The following VAT1 variants were observed in gnomAD, a reference collection of about 807,000 sequenced individuals.
The protein encoded by VAT1 is NADPH-dependent quinone oxidoreductase VAT1.
A neutral mutation model predicts 33.3 loss-of-function variants in VAT1; 24 were observed. That is an observed-to-expected ratio of 0.72 (90% CI 0.52 to 1.01). VAT1 has a LOEUF of 1.01. Among genes scored for constraint, VAT1 ranks in the 50% least tolerant of loss-of-function variants. VAT1 has a pLI of 0.00. For synonymous variants in VAT1, 212 were observed against 225.0 expected, an observed-to-expected ratio of 0.94 and a Z score of 0.52; for missense variants, 436 against 533.7, an observed-to-expected ratio of 0.82 and a Z score of 1.80.
chr17:43,020,271 G>C, intron 1 of VAT1: 1 of 985,438 alleles, frequency 1.0e-6, no homozygotes, highest in Non-Finnish European at 1.2e-6. Flanking sequence ...TCTTACATCA[G>C]ATTCTTGCCC....
At chr17:43,020,140 T>C (rs2050554593) in intron 1 of VAT1, 1 of 985,292 alleles carries the variant, frequency 1.0e-6, no homozygotes, top group African/African-American at 1.7e-5. Context: ...AAGTCTCACT[T>C]ACCCTGGCTC....
intron 1 of VAT1, among the ~76,000 whole-genome samples, chr17:43,020,891 A>AG (rs1259719242): frequency 2.3e-4 from 34 of 150,486 alleles, no homozygotes; most frequent in African/African-American, 7.1e-4. Flanking sequence ...AAAAAAAAAA[A>AG]AAAAGAAAAA....
Position 43,018,170 on chromosome 17 carries a change from G to A in VAT1, c.632C>T (p.Thr211Ile), listed in dbSNP as rs1045807244. The A allele has an allele frequency of 6.2e-7, 1 of 1,613,532 alleles. No individual in the cohort carries two copies. The highest frequency in any genetic ancestry group is 8.5e-7 in the Non-Finnish European group (1 of 1,179,848). ...VGMAAVQLCR[T>I]VENVTVFGTA... ...TCCGAACACTGTCACATTCTCCACT[G>A]TACGGCACAGCTGCACGGCAGCCAT... The change falls in exon 3 of 6, where the codon ACA becomes ATA. Residue 211 changes from threonine (T) to isoleucine (I), a missense_variant. Around this residue, in one of 2 missense-constraint regions of VAT1, gnomAD observed 282 missense variants for 405.4 expected, o/e 0.70. Coordinates refer to ENST00000355653, the MANE Select transcript of VAT1 (RefSeq NM_006373.4).
intron 1 of VAT1, 78 bp from the exon 2 acceptor site, chr17:43,018,877 A>T: frequency 1.3e-6 from 2 of 1,485,742 alleles, no homozygotes; most frequent in South Asian, 1.2e-5. Flanking sequence ...CCTAGGTACA[A>T]GGCTACCTTC....
Position 43,022,323 on chromosome 17 carries a change from G to C in VAT1, c.-1C>G. 1 of 1,571,160 alleles carries C rather than the reference G, an allele frequency of 6.4e-7. No individual in the cohort carries two copies. Among genetic ancestry groups the C allele is most frequent in the Non-Finnish European group, 8.6e-7 (1 of 1,161,550 alleles). On this transcript the variant is annotated 5_prime_UTR_variant, in exon 1 of 6. Transcript: ENST00000355653. Reference sequence around the variant, plus strand: ...CGGCTACCTCTCTCTCGTCGGACATGGCTGGGACTCCCGACGAGAGCGCAC... The same window carrying C: ...CGGCTACCTCTCTCTCGTCGGACATCGCTGGGACTCCCGACGAGAGCGCAC...
chr17:43,019,215 G>A (rs1406581601), intron 1 of VAT1, among the ~76,000 whole-genome samples: 6 of 152,080 alleles, frequency 3.9e-5, no homozygotes, highest in Non-Finnish European at 8.8e-5. Flanking sequence ...TTTACTGACT[G>A]TGTGACTTCG....
At chr17:43,021,634 T>C (rs1263417410) in intron 1 of VAT1, among the ~76,000 whole-genome samples, 11 of 120,982 alleles carry the variant, frequency 9.1e-5, no homozygotes, top group Admixed American at 4.7e-4. Flanking sequence ...GTGGGGACGG[T>C]AGTGTGGTTG....
At chr17:43,018,335 T>C in intron 2 of VAT1, 129 bp from the exon 3 acceptor site, 1 of 1,177,206 alleles carries the variant, frequency 8.5e-7, no homozygotes, top group Non-Finnish European at 1.2e-6. Flanking sequence ...CGTGTCTAAT[T>C]TCCATGACTG....
chr17:43,015,672 A>C lies in VAT1; in HGVS notation c.*389T>G. 3.8e-6 allele frequency: 1 copy of C among 264,424 alleles called. No individual in the cohort carries two copies. The allele number at this position is 264,424 out of a possible 1,614,324, so 16.4% of individuals were successfully genotyped here. ...GCCCCATATCCTGAGCTGACGTTTCAATTCTTTGGGGAGGTGGCGGGGCAG... is the reference window on the plus strand; with the variant it reads ...GCCCCATATCCTGAGCTGACGTTTCCATTCTTTGGGGAGGTGGCGGGGCAG... On this transcript the variant is annotated 3_prime_UTR_variant, in exon 6 of 6. Transcript: ENST00000355653.
In VAT1 at chr17:43,022,193, A is replaced by AGGCGGCGGC. The variant is rs749113325; in HGVS notation, c.121_129dup (p.Ala41_Ala43dup). 6.4e-7 allele frequency: 1 copy of AGGCGGCGGC among 1,556,152 alleles called. No homozygotes were observed. Among genetic ancestry groups the AGGCGGCGGC allele is most frequent in the Non-Finnish European group, 8.7e-7 (1 of 1,150,426 alleles). On this transcript the variant is annotated inframe_insertion, in exon 1 of 6. Coordinates refer to ENST00000355653, the MANE Select transcript of VAT1 (RefSeq NM_006373.4). ...ACTAGGCAGCGCAGCAGTGGCGGCG[A>AGGCGGCGGC]GGCGGCGGCGGCGGCGGCCCCTTCG...
chr17:43,018,900 T>C, intron 1 of VAT1, 101 bp from the exon 2 acceptor site: 1 of 1,140,882 alleles, frequency 8.8e-7, no homozygotes, highest in Non-Finnish European at 1.3e-6. Context: ...CCAAATGAAG[T>C]AGCAGGAGAA....
Position 43,018,769 on chromosome 17 carries a change from A to C in VAT1, c.418T>G (p.Ser140Ala). ...AGDRVMVLNR[S>A]GMWQEEVTVP... ...GTCACCTCTTCCTGCCACATCCCTG[A>C]CCGGTTCAACACCATCACCCGGTCT... Residue 140 changes from serine (S) to alanine (A), a missense_variant, in exon 2 of 6, where the codon TCA becomes GCA. By Grantham distance (99) the Ser-to-Ala change is moderately conservative. Around this residue, in one of 2 missense-constraint regions of VAT1, gnomAD observed 282 missense variants for 405.4 expected, o/e 0.70. Coordinates refer to ENST00000355653, the MANE Select transcript of VAT1 (RefSeq NM_006373.4). 6.2e-7 allele frequency: 1 copy of C among 1,614,124 alleles called. No individual in the cohort carries two copies. The highest frequency in any genetic ancestry group is 8.5e-7 in the Non-Finnish European group (1 of 1,180,020).
Position 43,016,550 on chromosome 17 carries a change from T to G in VAT1, c.857-2A>C, listed in dbSNP as rs1354245992. The G allele has an allele frequency of 1.2e-6, 2 of 1,612,612 alleles. No individual in the cohort carries two copies. The highest frequency in any genetic ancestry group is 1.7e-6 in the Non-Finnish European group (2 of 1,179,726). On this transcript the variant is annotated splice_acceptor_variant, in intron 4 of 5. Transcript: ENST00000355653. LOFTEE classifies it high-confidence loss of function. ...GGCCCGTCAGCAGGTTGGCCATTCC[T>G]GAAGGACAAGGTGACATAGCCTGTG...
chr17:43,021,444 A>T (rs2050566159), intron 1 of VAT1, among the ~76,000 whole-genome samples: 1 of 152,110 alleles, frequency 6.6e-6, no homozygotes, highest in Admixed American at 6.5e-5. Flanking sequence ...ACGGGGCTGC[A>T]TGTGACCAGG....
chr17:43,021,055 C>G (rs2050562772), intron 1 of VAT1, among the ~76,000 whole-genome samples: 1 of 152,110 alleles, frequency 6.6e-6, no homozygotes, highest in African/African-American at 2.4e-5. Flanking sequence ...CTTGGCCAAC[C>G]AGTTCAAGGC....
chr17:43,020,879 A>G (rs1370727349), intron 1 of VAT1, among the ~76,000 whole-genome samples: 1 of 62,762 alleles, frequency 1.6e-5, no homozygotes, highest in East Asian at 4.9e-4. Context: ...CCGTCTAAAA[A>G]AAAAAAAAAA....
rs748531060 is a variant in VAT1, at chr17:43,016,078, G to A, written c.1165C>T (p.Pro389Ser). 5.0e-6 allele frequency: 8 copies of A among 1,614,128 alleles called. No homozygotes were observed. Among genetic ancestry groups the A allele is most frequent in the Non-Finnish European group, 6.8e-6 (8 of 1,180,008 alleles). ...CACTTGCCCTAGTTCTCCTTCTCTG[G>A]CCCTGGAACCAGGAGGACCTTGCCC... ...NVGKVLLVPGPEKEN is the reference protein window; with the variant it reads ...NVGKVLLVPGSEKEN The change falls in exon 6 of 6, where the codon CCA becomes TCA. Residue 389 changes from proline (P) to serine (S), a missense_variant. By Grantham distance (74) the Pro-to-Ser change is moderately conservative (BLOSUM62 -1). Transcript: ENST00000355653.
Position 43,018,690 on chromosome 17 carries a change from G to A in VAT1, c.497C>T (p.Ala166Val). The change falls in exon 2 of 6, where the codon GCT becomes GTT. Residue 166 changes from alanine to valine, a missense_variant. Ala to Val is a moderately conservative substitution (Grantham distance 64). Around this residue, in one of 2 missense-constraint regions of VAT1, gnomAD observed 282 missense variants for 405.4 expected, o/e 0.70. Transcript: ENST00000355653. ...AATGTAATTGACGAGCAAGGCAGCA[G>A]CTTCCTCAAAGGTCATGGCCTCAGG... ...LIPEAMTFEE[A>V]AALLVNYITA... The A allele has an allele frequency of 6.2e-7, 1 of 1,614,184 alleles. No individual in the cohort carries two copies. The highest frequency in any genetic ancestry group is 8.5e-7 in the Non-Finnish European group (1 of 1,180,026).
At position 43,018,764 on chromosome 17, in the gene VAT1, C is replaced by T; in HGVS notation, c.423G>A (p.Gly141=). The change falls in exon 2 of 6, where the codon GGG becomes GGA. Residue 141 remains glycine (G), a synonymous_variant. Transcript: ENST00000355653. Reference sequence around the variant, plus strand: ...GCACAGTCACCTCTTCCTGCCACATCCCTGACCGGTTCAACACCATCACCC... The same window carrying T: ...GCACAGTCACCTCTTCCTGCCACATTCCTGACCGGTTCAACACCATCACCC... ...GDRVMVLNRS[G]MWQEEVTVPS... is the part of the protein sequence containing the mutation. The T allele has an allele frequency of 6.2e-7, 1 of 1,614,158 alleles. No individual in the cohort carries two copies. Among genetic ancestry groups the T allele is most frequent in the Non-Finnish European group, 8.5e-7 (1 of 1,180,030 alleles).
Sources: gnomAD v4.1 joint callset for allele counts (sites outside exome capture counted in the v4.1 genomes callset) on GRCh38, gnomAD v4.1.1 for gene constraint, gnomAD v4.1.1 regional missense constraint, MANE v1.5 for transcripts, NCBI Gene and HGNC (gene_info 2026-07-23, HGNC 2026-07-21) for gene names.